PDE7B: variants seen among roughly 807,000 people sequenced by gnomAD.
PDE7B encodes 3',5'-cyclic-AMP phosphodiesterase 7B.
Under a neutral mutation model 56.2 loss-of-function variants are expected in PDE7B, and 29 were observed. The ratio of observed to expected loss-of-function variants is 0.52; its 90% CI spans 0.38 to 0.70. The LOEUF (loss-of-function observed/expected upper bound fraction) is 0.70, where lower values mean the gene tolerates loss of function less well. Among genes scored for constraint, PDE7B ranks in the 30% least tolerant of loss-of-function variants. The probability of loss-of-function intolerance (pLI) is 0.00; values close to 1 mark genes in which losing one functional copy is unlikely to be tolerated. For missense variants in PDE7B, 490 were observed against 565.0 expected (o/e 0.87, Z 1.35); for synonymous variants, 197 against 196.9 (o/e 1.00, Z 0.00).
intron 3 of PDE7B, among the ~76,000 whole-genome samples, chr6:136,121,227 G>C (rs943336079): frequency 4.6e-5 from 7 of 152,234 alleles, no homozygotes; most frequent in African/African-American, 1.7e-4. Context: ...TTGCTTTCCT[G>C]TGATTCTGGA....
chr6:135,994,116 C>CTGTGTG (rs3220309), intron 2 of PDE7B, among the ~76,000 whole-genome samples: 2,075 of 138,642 alleles, frequency 0.015, 25 homozygotes, highest in African/African-American at 0.035. Context: ...TGTATTGGAT[C>CTGTGTG]TGTGTGTGTG....
intron 2 of PDE7B, among the ~76,000 whole-genome samples, chr6:136,016,224 G>T (rs775233515): frequency 6.6e-6 from 1 of 152,220 alleles, no homozygotes; most frequent in East Asian, 1.9e-4. Context: ...GTCCTATTTC[G>T]AAGCATTGCT....
chr6:136,024,376 C>G (rs909991844), intron 2 of PDE7B, among the ~76,000 whole-genome samples: 4 of 152,062 alleles, frequency 2.6e-5, no homozygotes, highest in African/African-American at 9.7e-5. Context: ...GAAATCTGCA[C>G]TTTTTTTTCC....
At chr6:135,919,463 T>G (rs1774024562) in intron 1 of PDE7B, among the ~76,000 whole-genome samples, 1 of 152,230 alleles carries the variant, frequency 6.6e-6, no homozygotes, top group African/African-American at 2.4e-5. Flanking sequence ...CTTAATCATG[T>G]CCTCACTGTG....
chr6:136,030,359 C>G (rs2128208953), intron 2 of PDE7B, among the ~76,000 whole-genome samples: 1 of 152,340 alleles, frequency 6.6e-6, no homozygotes, highest in Admixed American at 6.5e-5. Flanking sequence ...CCCATAAATA[C>G]TGTGCCTAGG....
intron 2 of PDE7B, among the ~76,000 whole-genome samples, chr6:136,025,659 C>T (rs182035985): frequency 2.6e-5 from 4 of 152,282 alleles, no homozygotes. Flanking sequence ...TTTAGGTTTA[C>T]ATTGCCCTAG....
chr6:135,881,323 C>G (rs190180902), intron 1 of PDE7B, among the ~76,000 whole-genome samples: 281 of 146,698 alleles, frequency 1.9e-3, no homozygotes, highest in Non-Finnish European at 3.1e-3. Flanking sequence ...TGGCAAAATC[C>G]CGTCTCTACT....
rs869049424 is a variant in PDE7B, at chr6:135,906,810, G to GTTTTTTTTTTTTTTTTTTTTTTT, written c.22-40650_22-40628dup. 2.2e-4 allele frequency among the ~76,000 whole-genome samples: 13 copies of GTTTTTTTTTTTTTTTTTTTTTTT among 59,540 alleles called. 1 individual carries two copies. The highest frequency in any genetic ancestry group is 4.9e-4 in the African/African-American group (7 of 14,244). 39.1% of individuals were successfully genotyped at this position (59,540 alleles called of 152,430 possible). A position where few individuals can be genotyped will look rare whatever the true frequency, so the allele number is the denominator to read the frequency against. ...TTTGACTCAAATGTTAATGAGGTTT[G>GTTTTTTTTTTTTTTTTTTTTTTT]TTTTTTTTTTTTTTTTTTTTTTTTT... is the stretch of plus-strand genomic sequence containing the variant. On this transcript the variant is annotated intron_variant, in intron 1 of 12. Coordinates refer to ENST00000308191, the MANE Select transcript of PDE7B (RefSeq NM_018945.4).
At chr6:136,041,768 A>G (rs73564620) in intron 2 of PDE7B, among the ~76,000 whole-genome samples, 3,051 of 152,282 alleles carry the variant, frequency 0.02, 116 homozygotes, top group African/African-American at 0.067. Context: ...TCCCTTTATG[A>G]AGCAAACAAA....
At chr6:136,013,909 C>T (rs1258887468) in intron 2 of PDE7B, among the ~76,000 whole-genome samples, 1 of 152,164 alleles carries the variant, frequency 6.6e-6, no homozygotes. Context: ...AATATGAAAA[C>T]TTTAGGTCTG....
intron 1 of PDE7B, among the ~76,000 whole-genome samples, chr6:135,874,643 T>C (rs1775456453): frequency 6.6e-6 from 1 of 152,202 alleles, no homozygotes; most frequent in African/African-American, 2.4e-5. Context: ...GCTTTGTAGC[T>C]TGTCACTAAT....
chr6:136,032,143 GAAAT>G (rs1449343300), intron 2 of PDE7B, among the ~76,000 whole-genome samples: 1 of 152,160 alleles, frequency 6.6e-6, no homozygotes, highest in Non-Finnish European at 1.5e-5. Flanking sequence ...AAATGTTTGA[GAAAT>G]AAAGACTCCA....
In PDE7B at chr6:136,045,493, A is replaced by G. The variant is rs138118527; in HGVS notation, c.83-63238A>G. Among the ~76,000 whole-genome samples the G allele has an allele frequency of 5.1e-4, 78 of 152,294 alleles. 1 individual carries two copies. The highest frequency in any genetic ancestry group is 1.3e-3 in the Admixed American group (20 of 15,302). On this transcript the variant is annotated intron_variant, in intron 2 of 12. Transcript: ENST00000308191. ...TATAAACCAAGTCGCTGTCCTGAGC[A>G]TTTTGTTACTTCATCTGCTGTAACA...
At chr6:136,173,747 C>G (rs752317431) in intron 8 of PDE7B, 50 bp from the exon 9 acceptor site, 82 of 1,164,062 alleles carry the variant, frequency 7.0e-5, no homozygotes, top group Non-Finnish European at 9.3e-5. Context: ...CATGAAAGAT[C>G]AGTATCTGGC....
chr6:135,929,114 T>C (rs143297339), intron 1 of PDE7B, among the ~76,000 whole-genome samples: 231 of 152,276 alleles, frequency 1.5e-3, no homozygotes, highest in African/African-American at 5.4e-3. Context: ...TTGCACAGTG[T>C]TGGTGTGGTA....
intron 1 of PDE7B, among the ~76,000 whole-genome samples, chr6:135,864,621 A>C (rs1775216293): frequency 6.6e-6 from 1 of 151,898 alleles, no homozygotes; most frequent in East Asian, 1.9e-4. Context: ...TTCATGTTTG[A>C]TTGCTTGTTT....
At chr6:135,984,615 G>C (rs1288440466) in intron 2 of PDE7B, among the ~76,000 whole-genome samples, 1 of 152,042 alleles carries the variant, frequency 6.6e-6, no homozygotes, top group Non-Finnish European at 1.5e-5. Context: ...ACCTAATTTT[G>C]TGTAGAAAAT....
intron 2 of PDE7B, among the ~76,000 whole-genome samples, chr6:136,079,817 C>T (rs1212092068): frequency 2.6e-5 from 4 of 151,660 alleles, no homozygotes; most frequent in Non-Finnish European, 4.4e-5. Context: ...CAGAATGACA[C>T]TCCCCTTAAC....
At chr6:136,045,663 G>A (rs1271754307) in intron 2 of PDE7B, among the ~76,000 whole-genome samples, 1 of 151,966 alleles carries the variant, frequency 6.6e-6, no homozygotes, top group African/African-American at 2.4e-5. Flanking sequence ...GGGTCCAAGG[G>A]GCCAAGCTTA....
Sources: gnomAD v4.1 joint callset for allele counts (sites outside exome capture counted in the v4.1 genomes callset) on GRCh38, gnomAD v4.1.1 for gene constraint, MANE v1.5 for transcripts, NCBI Gene and HGNC (gene_info 2026-07-23, HGNC 2026-07-21) for gene names.